Variants in NBEAL1 observed in about 807,000 individuals in gnomAD.
The protein encoded by NBEAL1 is neurobeachin-like protein 1.
NBEAL1 carries 273 observed loss-of-function variants against 351.3 expected under a neutral mutation model. That is an observed-to-expected ratio of 0.78 (90% confidence interval 0.70 to 0.86). NBEAL1 has a LOEUF of 0.86. Among genes scored for constraint, NBEAL1 ranks in the 40% least tolerant of loss-of-function variants. The pLI is 0.00. For missense variants in NBEAL1, 2,961 were observed against 3,201.3 expected (o/e 0.92, Z 1.81); for synonymous variants, 1,050 against 1,086.4 (o/e 0.97, Z 0.66).
At chr2:203,072,758 A>G (rs1265102150) in intron 7 of NBEAL1, among the ~76,000 whole-genome samples, 1 of 152,032 alleles carries the variant, frequency 6.6e-6, no homozygotes, top group African/African-American at 2.4e-5. Flanking sequence ...GAAGGTCCCT[A>G]TTTCCAGCAT....
rs140112414 is a variant in NBEAL1, at chr2:203,208,691, A to T, written c.7561A>T (p.Thr2521Ser). ...SKPFQILYGH[T>S]NEVLSVGIST... is the part of the protein sequence containing the mutation. Reference sequence around the variant, plus strand: ...ACCTTTTCAGATTCTTTATGGACACACCAACGAGGTACTGAGTGTCGGCAT... The same window carrying T: ...ACCTTTTCAGATTCTTTATGGACACTCCAACGAGGTACTGAGTGTCGGCAT... Residue 2521 changes from threonine to serine, a missense_variant, in exon 52 of 56, where the codon ACC becomes TCC. By Grantham distance (58) the Thr-to-Ser change is moderately conservative (BLOSUM62 1). Transcript: ENST00000683969. 1 of 1,612,766 alleles carries T rather than the reference A, an allele frequency of 6.2e-7. No individual in the cohort carries two copies. Among genetic ancestry groups the T allele is most frequent in the Admixed American group, 1.7e-5 (1 of 59,528 alleles).
At position 203,119,424 on chromosome 2, in the gene NBEAL1, CTTTTTTTT is replaced by C. The variant is rs57126638; in HGVS notation, c.2593-2817_2593-2810del. On this transcript the variant is annotated intron_variant, in intron 18 of 55. Coordinates refer to ENST00000683969, the MANE Select transcript of NBEAL1 (RefSeq NM_001378026.1). ...GTGAGCCACTGCATACGGCCTGTTG[CTTTTTTTT>C]TTTTTTTTTTTTGAGACGGAGTCTC... Among the ~76,000 whole-genome samples, 102 of 66,664 alleles carry C rather than the reference CTTTTTTTT, an allele frequency of 1.5e-3. 3 individuals carry two copies. The highest frequency in any genetic ancestry group is 0.016 in the Middle Eastern group (1 of 62). The allele number at this position is 66,664 out of a possible 152,430, so 43.7% of individuals were successfully genotyped here. A position where few individuals can be genotyped will look rare whatever the true frequency, so the allele number is the denominator to read the frequency against.
At position 203,036,108 on chromosome 2, in the gene NBEAL1, G is replaced by A. The variant is rs753435662; in HGVS notation, c.52-5657G>A. 1.7e-4 allele frequency among the ~76,000 whole-genome samples: 25 copies of A among 149,246 alleles called. 1 individual carries two copies. The highest frequency in any genetic ancestry group is 3.3e-4 in the Non-Finnish European group (22 of 66,554). On this transcript the variant is annotated intron_variant, in intron 2 of 55. Transcript: ENST00000683969. ...CCTGCACTACTTAATACATTTGTGT[G>A]TTGTGTTAGTAAATAAATACTGTAC...
chr2:203,116,663 G>A (rs920807662), intron 18 of NBEAL1, among the ~76,000 whole-genome samples: 13 of 151,006 alleles, frequency 8.6e-5, no homozygotes, highest in Non-Finnish European at 1.6e-4. Context: ...AGTGGCATGC[G>A]CCTGTAGTCC....
At chr2:203,161,276 G>A (rs1239106961) in intron 36 of NBEAL1, among the ~76,000 whole-genome samples, 8 of 146,322 alleles carry the variant, frequency 5.5e-5, no homozygotes, top group African/African-American at 7.6e-5. Flanking sequence ...GCAGTGAGCC[G>A]AGATTGCGCC....
At chr2:203,198,010 TTTTTC>T (rs1348308026) in intron 48 of NBEAL1, among the ~76,000 whole-genome samples, 3 of 146,952 alleles carry the variant, frequency 2.0e-5, no homozygotes, top group African/African-American at 7.4e-5. Context: ...TATATATTTT[TTTTTC>T]TTTTCTTTTT....
intron 36 of NBEAL1, among the ~76,000 whole-genome samples, chr2:203,160,535 T>C (rs2063921389): frequency 6.6e-6 from 1 of 152,312 alleles, no homozygotes; most frequent in African/African-American, 2.4e-5. Flanking sequence ...CATTGTTAAA[T>C]TGAACATCAG....
In NBEAL1 at chr2:203,148,977, A is replaced by G. The variant is rs1162643453; in HGVS notation, c.5305-14A>G. The G allele has an allele frequency of 7.5e-6, 12 of 1,597,194 alleles. No individual in the cohort carries two copies. Among genetic ancestry groups the G allele is most frequent in the African/African-American group, 1.3e-5 (1 of 74,302 alleles). ...ATATGAGTCAATGACCTTACTTTTT[A>G]TTGTTTCTTTCAGGAGCTGTTTGTG... On this transcript the variant is annotated splice_polypyrimidine_tract_variant and intron_variant, in intron 33 of 55. Coordinates refer to ENST00000683969, the MANE Select transcript of NBEAL1 (RefSeq NM_001378026.1).
chr2:203,052,719 G>GTTAGTTATTTAT (rs1553601930), intron 4 of NBEAL1, among the ~76,000 whole-genome samples: 38 of 145,506 alleles, frequency 2.6e-4, no homozygotes, highest in Non-Finnish European at 3.5e-4. Context: ...ACCATGCCCA[G>GTTAGTTATTTAT]TTATTTATTT....
At chr2:203,147,130 CTG>C (rs1397043257) in intron 33 of NBEAL1, among the ~76,000 whole-genome samples, 1 of 152,102 alleles carries the variant, frequency 6.6e-6, no homozygotes. Flanking sequence ...ATTCTCACCA[CTG>C]TTAGTTACTG....
chr2:203,077,745 T>G lies in NBEAL1; in HGVS notation c.599-7T>G. 1 of 1,317,562 alleles carries G rather than the reference T, an allele frequency of 7.6e-7. No homozygotes were observed. The highest frequency in any genetic ancestry group is 2.8e-5 in the East Asian group (1 of 36,294). The allele number at this position is 1,317,562 out of a possible 1,614,324, so 81.6% of individuals were successfully genotyped here. A position where few individuals can be genotyped will look rare whatever the true frequency, so the allele number is the denominator to read the frequency against. ...TATTTATTTATTTATTTATTTATTA[T>G]TTACAGAATGTTTTCAGGAAAGTGA... On this transcript the variant is annotated splice_polypyrimidine_tract_variant and splice_region_variant and intron_variant, in intron 7 of 55. Transcript: ENST00000683969.
chr2:203,131,847 CATT>C, intron 25 of NBEAL1, 123 bp from the exon 26 acceptor site: 1 of 611,008 alleles, frequency 1.6e-6, no homozygotes, highest in Non-Finnish European at 2.6e-6. Flanking sequence ...TACTTACTAA[CATT>C]AAATATTAAT....
At chr2:203,149,693 A>G (rs2063600963) in intron 34 of NBEAL1, among the ~76,000 whole-genome samples, 2 of 152,150 alleles carry the variant, frequency 1.3e-5, no homozygotes, top group South Asian at 4.1e-4. Flanking sequence ...TCACCTAAAA[A>G]GGAAATGCTG....
intron 24 of NBEAL1, 34 bp downstream of exon 24, chr2:203,127,971 T>C: frequency 6.6e-7 from 1 of 1,505,256 alleles, no homozygotes; most frequent in Non-Finnish European, 9.0e-7. Flanking sequence ...CTTTTCCTTT[T>C]TAACATTTGA....
At chr2:203,193,381 A>G (rs1217157231) in intron 46 of NBEAL1, among the ~76,000 whole-genome samples, 1 of 152,200 alleles carries the variant, frequency 6.6e-6, no homozygotes, top group African/African-American at 2.4e-5. Context: ...GTAAGATACT[A>G]GTCTAGTATG....
chr2:203,109,343 A>T (rs2062509761), intron 14 of NBEAL1, among the ~76,000 whole-genome samples: 2 of 152,110 alleles, frequency 1.3e-5, no homozygotes. Context: ...TGGGCAATAG[A>T]GTAGATTCTG....
chr2:203,165,492 T>C (rs151218407), intron 36 of NBEAL1, among the ~76,000 whole-genome samples: 71 of 152,340 alleles, frequency 4.7e-4, no homozygotes, highest in African/African-American at 1.6e-3. Flanking sequence ...GGTCAATTCA[T>C]GTCTCCCAGA....
chr2:203,172,775 A>G lies in NBEAL1; in HGVS notation c.6245A>G (p.Asn2082Ser), dbSNP rs771580689. ...TATACTTCGGAAGAGTTGGACCTTA[A>G]TAACCCTGCTGTATTTCGAGATCTT... ...QDYTSEELDLNNPAVFRDLSK... is the reference protein window; with the variant it reads ...QDYTSEELDLSNPAVFRDLSK... Residue 2082 changes from asparagine (N) to serine (S), a missense_variant, in exon 41 of 56, where the codon AAT becomes AGT. Transcript: ENST00000683969. The G allele has an allele frequency of 1.9e-6, 3 of 1,612,854 alleles. No homozygotes were observed.
intron 6 of NBEAL1, among the ~76,000 whole-genome samples, chr2:203,066,038 T>TCTCACC (rs1313772533): frequency 6.6e-6 from 1 of 152,242 alleles, no homozygotes; most frequent in Admixed American, 6.5e-5. Context: ...ATGTAATAGT[T>TCTCACC]CTCACCCCTT....
Sources: gnomAD v4.1 joint callset for allele counts (sites outside exome capture counted in the v4.1 genomes callset) on GRCh38, gnomAD v4.1.1 for gene constraint, MANE v1.5 for transcripts, NCBI Gene and HGNC (gene_info 2026-07-23, HGNC 2026-07-21) for gene names.